Variants in OGG1 observed in about 807,000 individuals in gnomAD.
OGG1 encodes N-glycosylase/DNA lyase.
Under a neutral mutation model 42.3 loss-of-function variants are expected in OGG1, and 35 were observed. The observed-to-expected ratio is 0.83, with a 90% confidence interval of 0.63 to 1.10. OGG1 has a LOEUF of 1.10. Ranked by LOEUF, OGG1 falls within the 50% of genes least tolerant of loss-of-function variation. The pLI is 0.00. For missense variants in OGG1, 484 were observed against 446.7 expected, an observed-to-expected ratio of 1.08 and a Z score of -0.75; for synonymous variants, 189 against 179.0, an observed-to-expected ratio of 1.06 and a Z score of -0.44.
chr3:9,781,543 C>G (rs188667543), exon 3 of OGG1: 5 of 456,640 alleles, frequency 1.1e-5, no homozygotes, highest in African/African-American at 8.0e-5. Context: ...GGCCTGCTTA[C>G]GTCGGCATCT....
chr3:9,761,667 C>G (rs945677826), downstream of OGG1: 1 of 1,614,190 alleles, frequency 6.2e-7, no homozygotes, highest in Non-Finnish European at 8.5e-7. Context: ...GTGGAGAGCA[C>G]ACTGCCCGGG....
rs923817541 is a variant in OGG1, at chr3:9,750,173, C to T, written c.-114C>T. 7.5e-7 allele frequency: 1 copy of T among 1,332,614 alleles called. No homozygotes were observed. The highest frequency in any genetic ancestry group is 1.5e-5 in the African/African-American group (1 of 68,518). The allele number at this position is 1,332,614 out of a possible 1,614,324, so 82.5% of individuals were successfully genotyped here. On this transcript the variant is annotated 5_prime_UTR_variant, in exon 1 of 7. Coordinates refer to ENST00000344629, the MANE Select transcript of OGG1 (RefSeq NM_002542.6). The stretch of plus-strand genomic sequence containing the variant: ...AAACAGGGAAGGTTGTTAAACAGCA[C>T]CGTGTGGGCGAGGCCTTAAGGGTCG...
downstream of OGG1, among the ~76,000 whole-genome samples, chr3:9,788,707 T>C (rs1329668612): frequency 6.6e-6 from 1 of 151,710 alleles, no homozygotes; most frequent in Non-Finnish European, 1.5e-5. Context: ...GCCAGGCTAA[T>C]TTTTGTATTT....
chr3:9,756,685 A>T, intron 5 of OGG1, 64 bp downstream of exon 5: 1 of 1,612,892 alleles, frequency 6.2e-7, no homozygotes, highest in Non-Finnish European at 8.5e-7. Flanking sequence ...TCTCTCTCTT[A>T]GTCACCTCTC....
chr3:9,779,330 T>C (rs1429533830), intron 2 of OGG1, among the ~76,000 whole-genome samples: 1 of 152,206 alleles, frequency 6.6e-6, no homozygotes, highest in Admixed American at 6.5e-5. Context: ...AAAAGGCTTC[T>C]TGCTTCTGTA....
At chr3:9,785,111 T>C (rs771591879) in intron 3 of OGG1, among the ~76,000 whole-genome samples, 1 of 152,240 alleles carries the variant, frequency 6.6e-6, no homozygotes, top group African/African-American at 2.4e-5. Context: ...GGGTTATTTA[T>C]GGTATGAACA....
At chr3:9,784,594 G>A (rs189023526) in intron 3 of OGG1, among the ~76,000 whole-genome samples, 3 of 152,052 alleles carry the variant, frequency 2.0e-5, no homozygotes, top group Admixed American at 2.0e-4. Context: ...GCCAGGCATG[G>A]TGGCTCACAC....
chr3:9,779,256 A>G (rs978294029), intron 2 of OGG1, among the ~76,000 whole-genome samples: 1 of 152,194 alleles, frequency 6.6e-6, no homozygotes, highest in Non-Finnish European at 1.5e-5. Flanking sequence ...CTCCTTTGCC[A>G]CAGTGACTGA....
intron 4 of OGG1, among the ~76,000 whole-genome samples, chr3:9,755,244 G>A (rs2077482850): frequency 6.6e-6 from 1 of 151,978 alleles, no homozygotes; most frequent in African/African-American, 2.4e-5. Flanking sequence ...GTTTGTTTTG[G>A]TAGAAATAGG....
intron 3 of OGG1, among the ~76,000 whole-genome samples, chr3:9,782,967 C>T (rs6443265): frequency 0.66 from 100,231 of 151,966 alleles, 33,601 homozygotes; most frequent in Middle Eastern, 0.83. Context: ...CCTATACCCT[C>T]GTGATCAATG....
intron 7 of OGG1, among the ~76,000 whole-genome samples, chr3:9,762,611 C>T (rs1376248156): frequency 6.6e-6 from 1 of 151,866 alleles, no homozygotes; most frequent in East Asian, 1.9e-4. Context: ...GTGATCCACC[C>T]GTCTCTGCCT....
At chr3:9,790,051 C>T, downstream of OGG1, 3 of 1,444,728 alleles carry the variant, frequency 2.1e-6, no homozygotes, top group Non-Finnish European at 2.8e-6. Context: ...GATCTAGAAT[C>T]TACAGAGGCT....
rs769947763 is a variant in OGG1 at position 9,765,791 on chromosome 3, GCCTT to G, written c.1049-13_1049-10del. On this transcript the variant is annotated splice_polypyrimidine_tract_variant and intron_variant, in intron 7 of 7. Coordinates refer to the OGG1 transcript ENST00000302008. ...GGACAGCAATCTCATTCTCCATGCT[GCCTT>G]CCTTGCCCTCCAGGGCCTCCTTGGC... is the stretch of plus-strand genomic sequence containing the variant. 1.9e-6 allele frequency: 3 copies of G among 1,613,912 alleles called. No individual in the cohort carries two copies. In the South Asian group the frequency reaches 3.3e-5, roughly 18 times the overall value.
At chr3:9,762,941 G>T (rs1311320342) in intron 7 of OGG1, 7 of 1,614,160 alleles carry the variant, frequency 4.3e-6, no homozygotes, top group South Asian at 3.3e-5. Flanking sequence ...CAATGCCCAG[G>T]TCATGCAGGT....
At chr3:9,765,919 A>G (rs763669307) in exon 8 of OGG1, 1 of 1,613,856 alleles carries the variant, frequency 6.2e-7, no homozygotes, top group East Asian at 2.2e-5. Context: ...CACAAGGTGA[A>G]GAACTGGAAC....
At chr3:9,754,551 C>T (rs765023330) in intron 3 of OGG1, among the ~76,000 whole-genome samples, 153 bp from the exon 4 acceptor site, 73 of 152,190 alleles carry the variant, frequency 4.8e-4, no homozygotes, top group African/African-American at 1.6e-3. Context: ...CTTTCCCTTG[C>T]ACATAAAAGT....
At chr3:9,759,586 G>A (rs544171008), downstream of OGG1, 4 of 1,614,204 alleles carry the variant, frequency 2.5e-6, no homozygotes, top group Non-Finnish European at 3.4e-6. Context: ...CTAGGATGGG[G>A]TTATGTGGTG....
chr3:9,761,852 A>G (rs2077892225), downstream of OGG1: 1 of 1,524,816 alleles, frequency 6.6e-7, no homozygotes, highest in Non-Finnish European at 8.8e-7. Flanking sequence ...GAAATAATGG[A>G]TCCCCAAAAG....
chr3:9,773,127 G>A (rs963934988), intron 2 of OGG1, among the ~76,000 whole-genome samples: 3 of 151,868 alleles, frequency 2.0e-5, no homozygotes, highest in South Asian at 4.1e-4. Flanking sequence ...CACTTGGGAC[G>A]CTGAGGCAGG....
Sources: allele counts gnomAD v4.1 joint callset (sites outside exome capture counted in the v4.1 genomes callset), GRCh38; gene constraint gnomAD v4.1.1; transcripts MANE v1.5; gene names NCBI Gene and HGNC (gene_info 2026-07-23, HGNC 2026-07-21).